The following PID1 variants were observed in gnomAD, a reference collection of about 807,000 sequenced individuals.
PID1 encodes phosphotyrosine interaction domain containing 1.
A neutral mutation model predicts 19.1 loss-of-function variants in PID1; 10 were observed. The ratio of observed to expected loss-of-function variants is 0.52; its 90% CI spans 0.32 to 0.89. The LOEUF is 0.89. Ranked by LOEUF, PID1 falls within the 40% of genes least tolerant of loss-of-function variation. The probability of loss-of-function intolerance (pLI) is 0.03; values close to 1 mark genes in which losing one functional copy is unlikely to be tolerated. For missense variants in PID1, 248 were observed against 285.3 expected, an observed-to-expected ratio of 0.87 and a Z score of 0.94; for synonymous variants, 130 against 116.0, an observed-to-expected ratio of 1.12 and a Z score of -0.78.
intron 2 of PID1, among the ~76,000 whole-genome samples, chr2:229,155,489 T>TGTGA (rs1690347618): frequency 1.3e-5 from 2 of 151,342 alleles, no homozygotes; most frequent in Admixed American, 1.3e-4. Context: ...AGGAGAATGA[T>TGTGA]GTGAACCCAG....
At chr2:229,125,698 G>T (rs137984746) in intron 2 of PID1, among the ~76,000 whole-genome samples, 1 of 152,088 alleles carries the variant, frequency 6.6e-6, no homozygotes, top group Non-Finnish European at 1.5e-5. Flanking sequence ...GAGGATACAC[G>T]GTTTTGCTGA....
At chr2:229,263,894 T>C (rs1287764463) in intron 1 of PID1, among the ~76,000 whole-genome samples, 1 of 152,112 alleles carries the variant, frequency 6.6e-6, no homozygotes, top group East Asian at 1.9e-4. Flanking sequence ...ACACAGTAAA[T>C]ACTAAGAAAA....
intron 1 of PID1, among the ~76,000 whole-genome samples, chr2:229,257,308 G>C (rs892420621): frequency 2.0e-5 from 3 of 152,186 alleles, no homozygotes; most frequent in Admixed American, 1.3e-4. Context: ...GCCAGGGACA[G>C]TGCTAACTGC....
In PID1 at chr2:229,239,730, T is replaced by C. The variant is rs551136523; in HGVS notation, c.30+31284A>G. Among the ~76,000 whole-genome samples, 9 of 152,280 alleles carry C rather than the reference T, an allele frequency of 5.9e-5. No individual in the cohort carries two copies. In the South Asian group the frequency reaches 1.9e-3, roughly 32 times the overall value. On this transcript the variant is annotated intron_variant, in intron 1 of 2. Transcript: ENST00000392055. ...TCCTTCACTGAATTATTTCAAGACA[T>C]TGAAATTTTATTTTAATTAGATGGC... is the stretch of plus-strand genomic sequence containing the variant.
chr2:229,231,544 C>T (rs1392637474), intron 1 of PID1, among the ~76,000 whole-genome samples: 1 of 152,090 alleles, frequency 6.6e-6, no homozygotes, highest in African/African-American at 2.4e-5. Flanking sequence ...CTATCAGCCC[C>T]ATTTTACAAG....
intron 1 of PID1, among the ~76,000 whole-genome samples, chr2:229,185,736 C>G (rs1691116081): frequency 2.0e-5 from 3 of 152,182 alleles, no homozygotes. Flanking sequence ...TTACCTCCCA[C>G]TGGGTCCCTC....
At chr2:229,083,818 G>A (rs1187013308) in intron 2 of PID1, among the ~76,000 whole-genome samples, 2 of 152,184 alleles carry the variant, frequency 1.3e-5, no homozygotes, top group Non-Finnish European at 2.9e-5. Context: ...TTGGTCACGT[G>A]CAATAGCTCA....
At chr2:229,216,431 G>A (rs1691847865) in intron 1 of PID1, among the ~76,000 whole-genome samples, 6 of 152,158 alleles carry the variant, frequency 3.9e-5, no homozygotes, top group Admixed American at 3.9e-4. Flanking sequence ...GGATGAGAAA[G>A]CTGCATAGAT....
intron 1 of PID1, among the ~76,000 whole-genome samples, chr2:229,228,374 C>T (rs1205927318): frequency 3.3e-5 from 5 of 152,146 alleles, no homozygotes; most frequent in African/African-American, 1.2e-4. Context: ...CTGGTAATAA[C>T]AATTTATATT....
chr2:229,206,424 T>C (rs931419847), intron 1 of PID1, among the ~76,000 whole-genome samples: 2 of 152,250 alleles, frequency 1.3e-5, no homozygotes, highest in African/African-American at 4.8e-5. Context: ...AGTAAGAAAC[T>C]CATTTAAGTG....
intron 2 of PID1, among the ~76,000 whole-genome samples, chr2:229,132,116 A>G (rs570594061): frequency 3.2e-4 from 48 of 152,324 alleles, no homozygotes; most frequent in African/African-American, 1.2e-3. Flanking sequence ...TAGACTGCTC[A>G]CTTCTGGGAG....
chr2:229,037,674 G>T (rs1411213212), intron 2 of PID1, among the ~76,000 whole-genome samples: 1 of 152,140 alleles, frequency 6.6e-6, no homozygotes, highest in African/African-American at 2.4e-5. Context: ...CCCTCATGTG[G>T]CCCCTTCTGG....
chr2:229,224,469 A>C (rs919879478), intron 1 of PID1, among the ~76,000 whole-genome samples: 4 of 152,188 alleles, frequency 2.6e-5, no homozygotes, highest in African/African-American at 4.8e-5. Flanking sequence ...ATTTACATTT[A>C]ACTCTGTATC....
chr2:229,125,624 C>T (rs1456111385), intron 2 of PID1, among the ~76,000 whole-genome samples: 1 of 152,182 alleles, frequency 6.6e-6, no homozygotes, highest in African/African-American at 2.4e-5. Context: ...TTCCTCCCTC[C>T]TTGTCCTCCT....
At chr2:229,156,589 C>T (rs1690377635) in intron 1 of PID1, among the ~76,000 whole-genome samples, 1 of 152,196 alleles carries the variant, frequency 6.6e-6, no homozygotes, top group African/African-American at 2.4e-5. Context: ...ATCCATACCA[C>T]CCAGTCTAAG....
intron 2 of PID1, among the ~76,000 whole-genome samples, chr2:229,093,362 G>A: frequency 6.6e-6 from 1 of 151,892 alleles, no homozygotes; most frequent in East Asian, 1.9e-4. Flanking sequence ...GGCCTCAAGT[G>A]ATCCACCTAC....
intron 2 of PID1, among the ~76,000 whole-genome samples, chr2:229,121,935 T>TG (rs1451940639): frequency 6.6e-6 from 1 of 152,008 alleles, no homozygotes; most frequent in East Asian, 1.9e-4. Flanking sequence ...GCAAAGAGAT[T>TG]GGGAGTAATA....
intron 1 of PID1, among the ~76,000 whole-genome samples, chr2:229,226,263 C>T (rs1692075884): frequency 6.6e-6 from 1 of 152,084 alleles, no homozygotes; most frequent in Non-Finnish European, 1.5e-5. Context: ...GATCTGTGGC[C>T]CAGTCCAAAA....
At chr2:229,071,762 T>C (rs1694458739) in intron 2 of PID1, among the ~76,000 whole-genome samples, 1 of 152,222 alleles carries the variant, frequency 6.6e-6, no homozygotes, top group Non-Finnish European at 1.5e-5. Flanking sequence ...TCCTAGTTTA[T>C]CATCATAACC....
Sources: allele counts gnomAD v4.1 joint callset (sites outside exome capture counted in the v4.1 genomes callset), GRCh38; gene constraint gnomAD v4.1.1; transcripts MANE v1.5; gene names NCBI Gene and HGNC (gene_info 2026-07-23, HGNC 2026-07-21).